Variants in SGSM1 observed in about 807,000 individuals in gnomAD.
The protein encoded by SGSM1 is RUN and TBC1 domain containing 2.
SGSM1 carries 73 observed loss-of-function variants against 133.8 expected under a neutral mutation model. The ratio of observed to expected loss-of-function variants is 0.55; its 90% CI spans 0.45 to 0.66. The LOEUF (loss-of-function observed/expected upper bound fraction) is 0.66, where lower values mean the gene tolerates loss of function less well. SGSM1 is among the 30% of genes least tolerant of loss of function. The pLI is 0.00. For synonymous variants in SGSM1, 563 were observed against 573.0 expected (o/e 0.98, Z 0.25); for missense variants, 1,213 against 1,448.1 (o/e 0.84, Z 2.64).
At chr22:24,830,181 C>T (rs1420685117) in intron 2 of SGSM1, among the ~76,000 whole-genome samples, 1 of 152,226 alleles carries the variant, frequency 6.6e-6, no homozygotes, top group African/African-American at 2.4e-5. Flanking sequence ...TGGCCTCGGG[C>T]TGTCAGCTCG....
intron 20 of SGSM1, among the ~76,000 whole-genome samples, chr22:24,904,051 A>G (rs1397207232): frequency 2.6e-5 from 4 of 151,926 alleles, no homozygotes; most frequent in Middle Eastern, 3.2e-3. Flanking sequence ...CTAAGATCAT[A>G]TATCCTTGAG....
intron 19 of SGSM1, among the ~76,000 whole-genome samples, chr22:24,899,897 G>A (rs1340245750): frequency 2.6e-5 from 4 of 152,044 alleles, no homozygotes; most frequent in Admixed American, 2.0e-4. Flanking sequence ...TTTCAATTCA[G>A]TAATTCTCTC....
At chr22:24,839,202 A>G (rs747481885) in intron 2 of SGSM1, among the ~76,000 whole-genome samples, 6 of 152,124 alleles carry the variant, frequency 3.9e-5, no homozygotes, top group Non-Finnish European at 8.8e-5. Flanking sequence ...TTGCAGGCAC[A>G]TGCCACCATG....
rs1220712065 is a variant in SGSM1, at chr22:24,886,639, G to A, written c.1681G>A (p.Gly561Arg). 5.1e-6 allele frequency: 8 copies of A among 1,555,862 alleles called. No individual in the cohort carries two copies. The highest frequency in any genetic ancestry group is 4.1e-5 in the African/African-American group (3 of 73,222). Reference sequence around the variant, plus strand: ...GGAGCTGCTGCGCCTCATCTACTACGGGGGCATCCAGCCTGAGATCCGCAA... The same window carrying A: ...GGAGCTGCTGCGCCTCATCTACTACAGGGGCATCCAGCCTGAGATCCGCAA... The part of the protein sequence containing the change: ...EQELLRLIYY[G>R]GIQPEIRKAV... The change falls in exon 16 of 25, where the codon GGG becomes AGG. Residue 561 changes from glycine (G) to arginine (R), a missense_variant. Transcript: ENST00000400358.
chr22:24,909,214 A>G (rs1601983748), intron 21 of SGSM1, among the ~76,000 whole-genome samples: 3 of 152,034 alleles, frequency 2.0e-5, no homozygotes, highest in East Asian at 3.9e-4. Flanking sequence ...CCATGGAAAA[A>G]TTGTCTTCCA....
chr22:24,910,868 C>T (rs1219551220), intron 21 of SGSM1, among the ~76,000 whole-genome samples: 1 of 152,084 alleles, frequency 6.6e-6, no homozygotes, highest in African/African-American at 2.4e-5. Flanking sequence ...ACACTTGAAC[C>T]CAGGAGACAG....
At chr22:24,821,376 G>T (rs994721286) in intron 2 of SGSM1, among the ~76,000 whole-genome samples, 1 of 152,228 alleles carries the variant, frequency 6.6e-6, no homozygotes, top group Admixed American at 6.5e-5. Flanking sequence ...AGGCTGTGTA[G>T]AGAACTAGGA....
At chr22:24,844,320 G>A (rs183685783) in intron 2 of SGSM1, 1 of 152,472 alleles carries the variant, frequency 6.6e-6, no homozygotes. Flanking sequence ...CAGATCACTT[G>A]AGGTCAGGAG....
chr22:24,915,987 G>T (rs1340683294), intron 22 of SGSM1, among the ~76,000 whole-genome samples: 1 of 151,834 alleles, frequency 6.6e-6, no homozygotes, highest in Non-Finnish European at 1.5e-5. Context: ...TTTCAAACAT[G>T]TTTTTTTCCC....
At chr22:24,861,103 C>T (rs113324332) in intron 9 of SGSM1, among the ~76,000 whole-genome samples, 8 of 150,400 alleles carry the variant, frequency 5.3e-5, no homozygotes, top group African/African-American at 1.7e-4. Flanking sequence ...GCCTGTAATC[C>T]CAGCATTTTG....
In SGSM1 at chr22:24,876,642, A is replaced by G. The variant is rs1190467818; in HGVS notation, c.1357A>G (p.Lys453Glu). The G allele has an allele frequency of 1.2e-6, 2 of 1,613,944 alleles. No individual in the cohort carries two copies. The change falls in exon 13 of 25, where the codon AAG becomes GAG. Residue 453 changes from lysine to glutamate, a missense_variant. Lys to Glu is a moderately conservative substitution (Grantham distance 56). Coordinates refer to ENST00000400358, the MANE Select transcript of SGSM1 (RefSeq NM_001098497.3). Reference protein sequence around the residue: ...LPSLWQPSPRKSSCSSCSQSG... With the variant: ...LPSLWQPSPRESSCSSCSQSG... ...ATCCCTGTGGCAGCCCAGTCCCCGG[A>G]AGTCCTCCTGTTCATCCTGTTCACA...
intron 2 of SGSM1, among the ~76,000 whole-genome samples, chr22:24,837,672 G>A (rs1233904604): frequency 2.6e-5 from 4 of 151,638 alleles, no homozygotes; most frequent in East Asian, 1.9e-4. Flanking sequence ...GGTAACGGGC[G>A]TCTTCCCAGA....
chr22:24,878,232 T>C (rs1304675999), intron 13 of SGSM1, among the ~76,000 whole-genome samples: 1 of 152,176 alleles, frequency 6.6e-6, no homozygotes, highest in African/African-American at 2.4e-5. Flanking sequence ...AATCCACATG[T>C]TGGAGAAATT....
chr22:24,857,145 T>G (rs139691), intron 8 of SGSM1, among the ~76,000 whole-genome samples: 15,140 of 151,414 alleles, frequency 0.1, 1,447 homozygotes, highest in African/African-American at 0.25. Flanking sequence ...GGCTCATGCC[T>G]GTAATCCCAG....
At chr22:24,886,490 G>A in intron 15 of SGSM1, 110 bp from the exon 16 acceptor site, 1 of 1,386,506 alleles carries the variant, frequency 7.2e-7, no homozygotes, top group Non-Finnish European at 9.7e-7. Flanking sequence ...GATCACTGAA[G>A]GTCAGGAGTT....
chr22:24,814,308 T>C (rs1204935761), intron 2 of SGSM1: 1 of 151,930 alleles, frequency 6.6e-6, no homozygotes, highest in Non-Finnish European at 1.5e-5. Flanking sequence ...AACTAGCATA[T>C]ACTGGCATTT....
intron 2 of SGSM1, among the ~76,000 whole-genome samples, chr22:24,837,820 G>A (rs1361345397): frequency 6.6e-6 from 1 of 152,158 alleles, no homozygotes; most frequent in Non-Finnish European, 1.5e-5. Context: ...TTTTTCCTAG[G>A]CTATGATTAT....
intron 16 of SGSM1, among the ~76,000 whole-genome samples, chr22:24,887,394 G>A (rs117196854): frequency 0.012 from 1,894 of 152,200 alleles, 17 homozygotes; most frequent in Non-Finnish European, 0.02. Context: ...TTTTCACTCA[G>A]CATAAAACCT....
chr22:24,918,119 T>G (rs1304467978), intron 23 of SGSM1, among the ~76,000 whole-genome samples: 1 of 152,160 alleles, frequency 6.6e-6, no homozygotes, highest in Non-Finnish European at 1.5e-5. Context: ...GCAGGGACTA[T>G]TTCATGCACG....
Sources: allele counts gnomAD v4.1 joint callset (sites outside exome capture counted in the v4.1 genomes callset), GRCh38; gene constraint gnomAD v4.1.1; transcripts MANE v1.5; gene names NCBI Gene and HGNC (gene_info 2026-07-23, HGNC 2026-07-21).